SUFU: variants seen among roughly 807,000 people sequenced by gnomAD.
The protein encoded by SUFU is SUFU negative regulator of hedgehog signaling.
In SUFU, 7 loss-of-function variants were observed where a neutral mutation model predicts 58.9. The ratio of observed to expected loss-of-function variants is 0.12; its 90% confidence interval spans 0.07 to 0.22. The LOEUF (loss-of-function observed/expected upper bound fraction) is 0.22. Among genes scored for constraint, SUFU ranks in the 10% least tolerant of loss-of-function variants. SUFU has a pLI of 1.00. For synonymous variants in SUFU, 232 were observed against 254.8 expected (o/e 0.91, Z 0.85); for missense variants, 451 against 641.3 (o/e 0.70, Z 3.20).
At chr10:102,587,168 A>G (rs1210177444) in intron 3 of SUFU, among the ~76,000 whole-genome samples, 1 of 152,240 alleles carries the variant, frequency 6.6e-6, no homozygotes, top group East Asian at 1.9e-4. Flanking sequence ...GAACATAGGT[A>G]TACAAATATC....
chr10:102,619,269 G>A lies in SUFU; in HGVS notation c.1296+1841G>A, dbSNP rs557672087. 4.9e-3 allele frequency: 7,181 copies of A among 1,453,510 alleles called. 22 individuals carry two copies. Among genetic ancestry groups the A allele is most frequent in the Middle Eastern group, 7.8e-3 (31 of 3,996 alleles). The allele number at this position is 1,453,510 out of a possible 1,614,324, so 90.0% of individuals were successfully genotyped here. ...CCAAGCCCCTGACCCCCTAGCTGCC[G>A]GGGTTCCCACTCCCAGTGCCACAAC... On this transcript the variant is annotated intron_variant, in intron 10 of 11. Transcript: ENST00000369902. This position sits in a 1 kb window ranked among gnomAD's most constrained non-coding sequence, Gnocchi z 4.2.
intron 9 of SUFU, among the ~76,000 whole-genome samples, chr10:102,615,821 T>C (rs1354184217): frequency 6.6e-6 from 1 of 152,206 alleles, no homozygotes; most frequent in Non-Finnish European, 1.5e-5. Flanking sequence ...CAGTCCCCAA[T>C]GCGCCCAGCA....
At chr10:102,505,871 A>G (rs1839095446) in intron 1 of SUFU, among the ~76,000 whole-genome samples, 1 of 151,960 alleles carries the variant, frequency 6.6e-6, no homozygotes, top group Non-Finnish European at 1.5e-5. Flanking sequence ...ATATTTAACT[A>G]TGTGTTGTGA....
chr10:102,556,736 C>CA (rs763209229), intron 3 of SUFU, among the ~76,000 whole-genome samples: 18,816 of 61,254 alleles, frequency 0.31, 1,944 homozygotes, highest in East Asian at 0.55. Flanking sequence ...GAGTGAGACT[C>CA]AAAAAAAAAA....
rs2135872631 is a variant in SUFU, at chr10:102,594,068, A to G, written c.756+3A>G. ...TTGAGATCGATCCACACCTGCAAGTATGTCTTGAGTGAGGAAAACCTTTCT... is the reference window on the plus strand; with the variant it reads ...TTGAGATCGATCCACACCTGCAAGTGTGTCTTGAGTGAGGAAAACCTTTCT... On this transcript the variant is annotated splice_donor_region_variant and intron_variant, in intron 6 of 11. Coordinates refer to ENST00000369902, the MANE Select transcript of SUFU (RefSeq NM_016169.4). 6.2e-7 allele frequency: 1 copy of G among 1,614,050 alleles called. No homozygotes were observed. Among genetic ancestry groups the G allele is most frequent in the Non-Finnish European group, 8.5e-7 (1 of 1,179,926 alleles).
intron 3 of SUFU, among the ~76,000 whole-genome samples, chr10:102,556,410 A>G (rs1341007492): frequency 6.6e-6 from 1 of 152,214 alleles, no homozygotes; most frequent in East Asian, 1.9e-4. Flanking sequence ...ATGGCTAGAT[A>G]TAGACAGATT....
At chr10:102,572,204 T>TA (rs1427400068) in intron 3 of SUFU, among the ~76,000 whole-genome samples, 1 of 151,674 alleles carries the variant, frequency 6.6e-6, no homozygotes, top group Non-Finnish European at 1.5e-5. Context: ...TAGCTGGGAT[T>TA]ACAGGCACCG....
chr10:102,594,745 T>G (rs940700782), intron 6 of SUFU, among the ~76,000 whole-genome samples: 3 of 151,862 alleles, frequency 2.0e-5, no homozygotes, highest in Non-Finnish European at 4.4e-5. Flanking sequence ...TGAGACGGAG[T>G]TTCGCTCTTC....
intron 8 of SUFU, among the ~76,000 whole-genome samples, chr10:102,614,334 T>A (rs996179617): frequency 2.0e-5 from 3 of 152,022 alleles, no homozygotes; most frequent in Admixed American, 6.5e-5. Flanking sequence ...GGTAGGCAGA[T>A]CACCTGAGGT....
At chr10:102,540,221 T>C (rs2062783080) in intron 2 of SUFU, among the ~76,000 whole-genome samples, 1 of 152,146 alleles carries the variant, frequency 6.6e-6, no homozygotes, top group African/African-American at 2.4e-5. Flanking sequence ...GGTATTATCA[T>C]TGCTCTTGGA....
intron 8 of SUFU, among the ~76,000 whole-genome samples, chr10:102,611,633 A>G (rs149153605): frequency 6.6e-6 from 1 of 152,266 alleles, no homozygotes; most frequent in African/African-American, 2.4e-5. Context: ...AGAGGCAGCC[A>G]GCTAACGTCA....
chr10:102,610,941 T>G (rs2063617148), intron 8 of SUFU, among the ~76,000 whole-genome samples: 1 of 152,258 alleles, frequency 6.6e-6, no homozygotes, highest in South Asian at 2.1e-4. Flanking sequence ...GTTGGTAGTA[T>G]GAGGAGGTTA....
chr10:102,525,193 C>T (rs994113911), intron 2 of SUFU, among the ~76,000 whole-genome samples: 1 of 151,496 alleles, frequency 6.6e-6, no homozygotes, highest in Non-Finnish European at 1.5e-5. Flanking sequence ...TCACTGCAAC[C>T]TCCACCTCCT....
intron 11 of SUFU, 57 bp downstream of exon 11, chr10:102,627,300 C>A: frequency 6.8e-7 from 1 of 1,478,118 alleles, no homozygotes; most frequent in South Asian, 1.1e-5. Context: ...CATGTGTGTG[C>A]GTGCGTGTGC....
intron 8 of SUFU, among the ~76,000 whole-genome samples, chr10:102,607,800 A>G (rs1391777658): frequency 6.6e-6 from 1 of 151,892 alleles, no homozygotes; most frequent in Non-Finnish European, 1.5e-5. Context: ...AGTCCCAGCT[A>G]CTCGGGAGGC....
At chr10:102,613,456 G>A (rs2063647204) in intron 8 of SUFU, among the ~76,000 whole-genome samples, 1 of 152,218 alleles carries the variant, frequency 6.6e-6, no homozygotes, top group South Asian at 2.1e-4. Context: ...CTCTGTCTTT[G>A]GCCTGCGGAC....
At chr10:102,614,107 CA>C (rs1430483164) in intron 8 of SUFU, among the ~76,000 whole-genome samples, 2 of 152,202 alleles carry the variant, frequency 1.3e-5, no homozygotes, top group Non-Finnish European at 2.9e-5. Flanking sequence ...TGTGCATCCT[CA>C]GAGCCTTCAG....
intron 2 of SUFU, among the ~76,000 whole-genome samples, chr10:102,510,519 T>C (rs1309699265): frequency 6.7e-6 from 1 of 148,174 alleles, no homozygotes; most frequent in Non-Finnish European, 1.5e-5. Context: ...CTACCATCTA[T>C]ATTTTAAAAA....
At chr10:102,578,986 G>A (rs1410423394) in intron 3 of SUFU, among the ~76,000 whole-genome samples, 1 of 152,188 alleles carries the variant, frequency 6.6e-6, no homozygotes, top group Non-Finnish European at 1.5e-5. Context: ...TCAGTTACAA[G>A]CTTGTGGGCA....
Sources: gnomAD v4.1 joint callset for allele counts (sites outside exome capture counted in the v4.1 genomes callset) on GRCh38, gnomAD v4.1.1 for gene constraint, Gnocchi (gnomAD v3.1) non-coding constraint, MANE v1.5 for transcripts, NCBI Gene and HGNC (gene_info 2026-07-23, HGNC 2026-07-21) for gene names.